STK32A: variants seen among roughly 807,000 people sequenced by gnomAD.
The protein encoded by STK32A is serine/threonine-protein kinase 32A.
A neutral mutation model predicts 53.2 loss-of-function variants in STK32A; 41 were observed. The ratio of observed to expected loss-of-function variants is 0.77; its 90% CI spans 0.60 to 1.00. The LOEUF is 1.00. Among genes scored for constraint, STK32A ranks in the 50% least tolerant of loss-of-function variants. The pLI is 0.00. For synonymous variants in STK32A, 166 were observed against 162.8 expected, an observed-to-expected ratio of 1.02 and a Z score of -0.15; for missense variants, 458 against 485.8, an observed-to-expected ratio of 0.94 and a Z score of 0.54.
intron 5 of STK32A, among the ~76,000 whole-genome samples, chr5:147,329,387 T>C (rs1054615894): frequency 6.6e-6 from 1 of 152,222 alleles, no homozygotes; most frequent in African/African-American, 2.4e-5. Context: ...GGAATAATGC[T>C]TCTAGTCCAA....
At chr5:147,395,020 C>T in the STK32A span, among the ~76,000 whole-genome samples, 2 of 152,064 alleles carry the variant, frequency 1.3e-5, no homozygotes, top group African/African-American at 2.4e-5. Context: ...TCAGAGAGTT[C>T]GTAAAGAATA....
chr5:147,336,193 A>T (rs1288571239), intron 5 of STK32A, among the ~76,000 whole-genome samples: 1 of 152,202 alleles, frequency 6.6e-6, no homozygotes, highest in Admixed American at 6.5e-5. Context: ...CATATACTAC[A>T]CACAGTATAG....
intron 4 of STK32A, among the ~76,000 whole-genome samples, chr5:147,313,321 C>A (rs77785008): frequency 0.061 from 9,336 of 152,148 alleles, 519 homozygotes; most frequent in East Asian, 0.22. Context: ...TAGCCAAAAA[C>A]CGGGAAACAA....
At chr5:147,366,361 A>G (rs968482891) in intron 8 of STK32A, among the ~76,000 whole-genome samples, 3 of 152,210 alleles carry the variant, frequency 2.0e-5, no homozygotes, top group Non-Finnish European at 4.4e-5. Context: ...GTTTTAATAA[A>G]GGATATATCT....
At chr5:147,356,094 G>T (rs1012473546) in intron 7 of STK32A, among the ~76,000 whole-genome samples, 3 of 151,806 alleles carry the variant, frequency 2.0e-5, no homozygotes, top group African/African-American at 7.3e-5. Context: ...CTATTGTTTA[G>T]ATTTTACAAG....
rs1757664801 is a variant in STK32A at position 147,386,956 on chromosome 5, A to C, written c.*2973A>C. On this transcript the variant is annotated 3_prime_UTR_variant, in exon 13 of 13. Transcript: ENST00000397936. ...AAACGTTAATATCCCACTAGGTGGA[A>C]CATGTCTCTTCCGGAGTTGTGACAA... The C allele has an allele frequency of 6.6e-6, 1 of 152,244 alleles. No individual in the cohort carries two copies. Among genetic ancestry groups the C allele is most frequent in the Non-Finnish European group, 1.5e-5 (1 of 68,034 alleles). The allele number at this position is 152,244 out of a possible 1,614,324, so 9.4% of individuals were successfully genotyped here.
intron 4 of STK32A, among the ~76,000 whole-genome samples, chr5:147,302,209 C>G (rs930585402): frequency 8.5e-5 from 13 of 152,272 alleles, no homozygotes; most frequent in Admixed American, 2.0e-4. Context: ...ACATATTTCA[C>G]TTTTTACTAT....
At chr5:147,355,112 G>T (rs1489844552) in intron 7 of STK32A, among the ~76,000 whole-genome samples, 1 of 152,128 alleles carries the variant, frequency 6.6e-6, no homozygotes, top group Non-Finnish European at 1.5e-5. Context: ...ATTCTAAAAA[G>T]AAAGAAAACT....
intron 4 of STK32A, among the ~76,000 whole-genome samples, chr5:147,290,797 C>T (rs1206713344): frequency 1.3e-5 from 2 of 152,064 alleles, no homozygotes; most frequent in Non-Finnish European, 2.9e-5. Flanking sequence ...GATTAAGTAT[C>T]GAGTTTGCTG....
chr5:147,332,360 T>TTA (rs554579703), intron 5 of STK32A, among the ~76,000 whole-genome samples: 15 of 152,152 alleles, frequency 9.9e-5, no homozygotes, highest in African/African-American at 3.6e-4. Flanking sequence ...TTTTTTTTTT[T>TTA]TATACCACTT....
At chr5:147,350,704 T>A (rs561740181) in intron 6 of STK32A, among the ~76,000 whole-genome samples, 1 of 152,256 alleles carries the variant, frequency 6.6e-6, no homozygotes, top group South Asian at 2.1e-4. Flanking sequence ...CCATAAGGGA[T>A]GTTTGGAAAC....
At chr5:147,254,164 A>G (rs1343456463) in intron 2 of STK32A, among the ~76,000 whole-genome samples, 1 of 152,162 alleles carries the variant, frequency 6.6e-6, no homozygotes, top group East Asian at 1.9e-4. Flanking sequence ...TTAACCGAAC[A>G]TGTTATATCT....
chr5:147,244,309 T>A lies in STK32A; in HGVS notation c.52+4623T>A, dbSNP rs946618434. On this transcript the variant is annotated intron_variant, in intron 2 of 12. Coordinates refer to ENST00000397936, the MANE Select transcript of STK32A (RefSeq NM_001112724.2). The stretch of plus-strand genomic sequence containing the variant: ...AGTTGACATTGATTGTCCTCACCTT[T>A]TGATTTTTGTGAATAAGGCTGCTAT... 2.6e-4 allele frequency among the ~76,000 whole-genome samples: 40 copies of A among 152,378 alleles called. 1 individual carries two copies. The highest frequency in any genetic ancestry group is 8.9e-4 in the African/African-American group (37 of 41,590).
At chr5:147,245,667 A>G (rs1409189165) in intron 2 of STK32A, among the ~76,000 whole-genome samples, 1 of 152,222 alleles carries the variant, frequency 6.6e-6, no homozygotes, top group Non-Finnish European at 1.5e-5. Context: ...GCTTAGTTAA[A>G]TCAAGAGACA....
At chr5:147,369,248 C>A (rs1400003772) in intron 8 of STK32A, among the ~76,000 whole-genome samples, 1 of 152,086 alleles carries the variant, frequency 6.6e-6, no homozygotes, top group East Asian at 1.9e-4. Context: ...TTGAATTAAT[C>A]TCCCTTTCAA....
At chr5:147,344,015 G>A (rs9885145) in intron 6 of STK32A, among the ~76,000 whole-genome samples, 5 of 151,874 alleles carry the variant, frequency 3.3e-5, no homozygotes, top group Non-Finnish European at 5.9e-5. Context: ...TGTGTATATT[G>A]GGATTTATTA....
chr5:147,347,564 C>T (rs1322422313), intron 6 of STK32A, among the ~76,000 whole-genome samples: 6 of 152,112 alleles, frequency 3.9e-5, no homozygotes, highest in Non-Finnish European at 4.4e-5. Context: ...AGCATGCATC[C>T]TGCAATGCAC....
At chr5:147,275,756 T>A (rs1755230411) in intron 2 of STK32A, among the ~76,000 whole-genome samples, 1 of 152,056 alleles carries the variant, frequency 6.6e-6, no homozygotes, top group South Asian at 2.1e-4. Context: ...ATGAGATGAA[T>A]TGCTCTAAGG....
At chr5:147,276,282 A>G (rs1755257484) in intron 2 of STK32A, among the ~76,000 whole-genome samples, 1 of 152,214 alleles carries the variant, frequency 6.6e-6, no homozygotes, top group Non-Finnish European at 1.5e-5. Context: ...AAATGAAGCC[A>G]GGATTGTATA....
Sources: gnomAD v4.1 joint callset for allele counts (sites outside exome capture counted in the v4.1 genomes callset) on GRCh38, gnomAD v4.1.1 for gene constraint, MANE v1.5 for transcripts, NCBI Gene and HGNC (gene_info 2026-07-23, HGNC 2026-07-21) for gene names.